The following KBTBD2 variants were observed in gnomAD, a reference collection of about 807,000 sequenced individuals.
KBTBD2 encodes the protein kelch repeat and BTB domain containing 2.
Under a neutral mutation model 57.1 loss-of-function variants are expected in KBTBD2, and 17 were observed. The ratio of observed to expected loss-of-function variants is 0.30; its 90% confidence interval spans 0.20 to 0.45. The LOEUF is 0.45. KBTBD2 is among the 20% of genes least tolerant of loss of function. The pLI, the probability that KBTBD2 is intolerant of heterozygous loss-of-function variation, is 1.00. For synonymous variants in KBTBD2, 267 were observed against 262.7 expected, an observed-to-expected ratio of 1.02 and a Z score of -0.16; for missense variants, 515 against 750.6, an observed-to-expected ratio of 0.69 and a Z score of 3.67.
chr7:32,886,596 G>A (rs1784587506), intron 1 of KBTBD2, among the ~76,000 whole-genome samples: 1 of 152,120 alleles, frequency 6.6e-6, no homozygotes, highest in Non-Finnish European at 1.5e-5. Flanking sequence ...CATATCCCAA[G>A]GGGACCTAGG....
At position 32,869,484 on chromosome 7, in the gene KBTBD2, T is replaced by C. The variant is rs776421998; in HGVS notation, c.1733A>G (p.Asp578Gly). The part of the protein sequence containing the change: ...SERVLWDLGR[D>G]FRCTVGKLYP... ...GAGTTTCCCCACAGTGCATCGAAAA[T>C]CTCTCCCCAAGTCCCACAGTACACG... The change falls in exon 4 of 4, where the codon GAT becomes GGT. Residue 578 changes from aspartate (D) to glycine (G), a missense_variant. Transcript: ENST00000304056. 24 of 1,613,898 alleles carry C rather than the reference T, an allele frequency of 1.5e-5. No homozygotes were observed. The highest frequency in any genetic ancestry group is 2.0e-5 in the Non-Finnish European group (24 of 1,179,982).
chr7:32,869,689 TC>T lies in KBTBD2; in HGVS notation c.1527del (p.Trp509Ter). 6.2e-7 allele frequency: 1 copy of T among 1,614,148 alleles called. No homozygotes were observed. The highest frequency in any genetic ancestry group is 8.5e-7 in the Non-Finnish European group (1 of 1,180,010). On this transcript the variant is annotated frameshift_variant, in exon 4 of 4. Transcript: ENST00000304056. LOFTEE classifies it high-confidence loss of function. Reference protein sequence around the residue: ...VEIYDVNKNEWKMAANIPAKR... With the variant: ...VEIYDVNKNEXKMAANIPAKR... ...TTAGCAGGGATGTTGGCTGCCATTT[TC>T]CACTCATTTTTATTCACATCATAAA...
At chr7:32,873,859 T>C (rs1784241496) in intron 3 of KBTBD2, among the ~76,000 whole-genome samples, 1 of 152,224 alleles carries the variant, frequency 6.6e-6, no homozygotes, top group South Asian at 2.1e-4. Context: ...ATCACAAAAC[T>C]ACTTAGTTTA....
At chr7:32,888,790 G>A (rs1456221746) in intron 1 of KBTBD2, among the ~76,000 whole-genome samples, 1 of 151,656 alleles carries the variant, frequency 6.6e-6, no homozygotes, top group Non-Finnish European at 1.5e-5. Flanking sequence ...ACTGATAGAT[G>A]ACATGGCTCC....
intron 1 of KBTBD2, among the ~76,000 whole-genome samples, chr7:32,884,516 C>A (rs777094953): frequency 2.0e-5 from 3 of 151,758 alleles, no homozygotes; most frequent in Non-Finnish European, 2.9e-5. Flanking sequence ...ATGGTGAAAC[C>A]CCGTCTCTAC....
Position 32,874,982 on chromosome 7 carries a change from A to C in KBTBD2, c.336+10T>G. Reference sequence around the variant, plus strand: ...AGAGACTCCGTCTAAAAAAATATATATATGCTTACCTGTAGGAAGCAAGCT... The same window carrying C: ...AGAGACTCCGTCTAAAAAAATATATCTATGCTTACCTGTAGGAAGCAAGCT... On this transcript the variant is annotated intron_variant, in intron 3 of 3. Transcript: ENST00000304056. 6.2e-7 allele frequency: 1 copy of C among 1,611,494 alleles called. No homozygotes were observed. The highest frequency in any genetic ancestry group is 8.5e-7 in the Non-Finnish European group (1 of 1,178,044).
At chr7:32,889,007 G>A (rs1456578904) in intron 1 of KBTBD2, among the ~76,000 whole-genome samples, 1 of 152,106 alleles carries the variant, frequency 6.6e-6, no homozygotes, top group African/African-American at 2.4e-5. Context: ...TCTGCGCAGT[G>A]ACTTAAGAAA....
At position 32,869,205 on chromosome 7, in the gene KBTBD2, A is replaced by G. The variant is rs1480291052; in HGVS notation, c.*140T>C. 3.3e-6 allele frequency: 2 copies of G among 606,974 alleles called. No homozygotes were observed. The highest frequency in any genetic ancestry group is 5.5e-5 in the East Asian group (2 of 36,090). 37.6% of individuals were successfully genotyped at this position (606,974 alleles called of 1,614,324 possible). ...ACTGATATATATTATACTGATGCAA[A>G]TATTAAGTAGGGCATAAAAATAAAA... is the stretch of plus-strand genomic sequence containing the variant. On this transcript the variant is annotated 3_prime_UTR_variant, in exon 4 of 4. Coordinates refer to ENST00000304056, the MANE Select transcript of KBTBD2 (RefSeq NM_015483.3).
At chr7:32,877,582 G>T (rs1390554040) in intron 2 of KBTBD2, among the ~76,000 whole-genome samples, 8 of 152,270 alleles carry the variant, frequency 5.3e-5, no homozygotes, top group Non-Finnish European at 1.0e-4. Context: ...TAGATGTAAA[G>T]ATCTCGAAAT....
In KBTBD2 at chr7:32,870,551, A is replaced by G; in HGVS notation, c.666T>C (p.Ile222=). Residue 222 remains isoleucine, a synonymous_variant, in exon 4 of 4, where the codon ATT becomes ATC. Transcript: ENST00000304056. ...TCTGTGTTACTTCTGAAAGTGCATC[A>G]ATTCTGATTTGGCTAAGAACAGAAG... ...YLSSVLSQIR[I]DALSEVTQRA... The G allele has an allele frequency of 3.1e-6, 5 of 1,614,178 alleles. No individual in the cohort carries two copies. The highest frequency in any genetic ancestry group is 4.2e-6 in the Non-Finnish European group (5 of 1,180,022).
chr7:32,886,355 G>A (rs945021911), intron 1 of KBTBD2, among the ~76,000 whole-genome samples: 2 of 152,128 alleles, frequency 1.3e-5, no homozygotes, highest in African/African-American at 4.8e-5. Context: ...CCAAGTCTCC[G>A]AGGTTCTGAG....
In KBTBD2 at chr7:32,869,617, G is replaced by T. The variant is rs17854424; in HGVS notation, c.1600C>A (p.Leu534Ile). The T allele has an allele frequency of 1.9e-6, 3 of 1,614,008 alleles. No individual in the cohort carries two copies. The highest frequency in any genetic ancestry group is 2.5e-6 in the Non-Finnish European group (3 of 1,180,018). ...CVRAVVISNS[L>I]CVFMRETHLN... ...TGGGTTTCTCGCATAAACACACATA[G>T]AGAATTTGAGATCACAACAGCTCTA... is the stretch of plus-strand genomic sequence containing the variant. The change falls in exon 4 of 4, where the codon CTA becomes ATA. Residue 534 changes from leucine (L) to isoleucine (I), a missense_variant. By Grantham distance (5) the Leu-to-Ile change is conservative. Transcript: ENST00000304056.
intron 1 of KBTBD2, among the ~76,000 whole-genome samples, chr7:32,883,560 C>T (rs540381890): frequency 6.6e-6 from 1 of 152,194 alleles, no homozygotes; most frequent in Admixed American, 6.5e-5. Context: ...TAATTACCAA[C>T]TGATGTGACG....
intron 1 of KBTBD2, among the ~76,000 whole-genome samples, chr7:32,881,265 C>A (rs200863810): frequency 1.1e-4 from 16 of 149,970 alleles, no homozygotes; most frequent in East Asian, 5.9e-4. Flanking sequence ...AAAAAAAAAA[C>A]CAAAATTCCA....
chr7:32,886,903 T>A (rs777655751), intron 1 of KBTBD2, among the ~76,000 whole-genome samples: 21 of 151,944 alleles, frequency 1.4e-4, no homozygotes, highest in Admixed American at 4.6e-4. Flanking sequence ...TTGAAATTTT[T>A]AAAAAATCCC....
chr7:32,875,305 T>C, intron 2 of KBTBD2, 148 bp from the exon 3 acceptor site: 1 of 673,924 alleles, frequency 1.5e-6, no homozygotes, highest in Non-Finnish European at 2.5e-6. Flanking sequence ...AGGGTCTTGC[T>C]CTGTCCCCCA....
chr7:32,877,176 G>A (rs1583779900), intron 2 of KBTBD2, among the ~76,000 whole-genome samples: 1 of 151,406 alleles, frequency 6.6e-6, no homozygotes, highest in Non-Finnish European at 1.5e-5. Context: ...CCGCCACTAC[G>A]CCGGCTGATT....
chr7:32,885,707 T>C (rs79654575), intron 1 of KBTBD2, among the ~76,000 whole-genome samples: 1 of 152,240 alleles, frequency 6.6e-6, no homozygotes, highest in Non-Finnish European at 1.5e-5. Flanking sequence ...ATTGGAGTCA[T>C]GCAAACACAA....
At chr7:32,887,734 C>T (rs1250850248) in intron 1 of KBTBD2, among the ~76,000 whole-genome samples, 1 of 152,242 alleles carries the variant, frequency 6.6e-6, no homozygotes. Context: ...GGAGGTCAAC[C>T]GTTGAAAAAT....
Sources: gnomAD v4.1 joint callset for allele counts (sites outside exome capture counted in the v4.1 genomes callset) on GRCh38, gnomAD v4.1.1 for gene constraint, MANE v1.5 for transcripts, NCBI Gene and HGNC (gene_info 2026-07-23, HGNC 2026-07-21) for gene names.